The following HTR2C variants were observed in gnomAD, a reference collection of about 807,000 sequenced individuals.
The protein encoded by HTR2C is 5-hydroxytryptamine (serotonin) receptor 2C, G protein-coupled.
Under a neutral mutation model 21.0 loss-of-function variants are expected in HTR2C, and 5 were observed. The observed-to-expected ratio is 0.24, with a 90% CI of 0.12 to 0.50. The LOEUF is 0.50. Among genes scored for constraint, HTR2C ranks in the 20% least tolerant of loss-of-function variants. The pLI is 0.98. For synonymous variants in HTR2C, 150 were observed against 145.3 expected, an observed-to-expected ratio of 1.03 and a Z score of -0.23; for missense variants, 271 against 371.2, an observed-to-expected ratio of 0.73 and a Z score of 2.22.
intron 5 of HTR2C, among the ~76,000 whole-genome samples, chrX:114,898,953 A>T (rs2071316989): frequency 8.9e-6 from 1 of 112,161 alleles, no homozygotes; most frequent in Non-Finnish European, 1.9e-5. Flanking sequence ...TTTAATGGGA[A>T]TAGCATAGAA....
Position 114,584,624 on chromosome X carries a change from G to A in HTR2C, c.-182G>A, listed in dbSNP as rs1455988819. ...CGTTTCTCGTCTAGCTGCCGCCGCGGCGACCGCTGCCTGGTCTTCCTCCCG... is the reference window on the plus strand; with the variant it reads ...CGTTTCTCGTCTAGCTGCCGCCGCGACGACCGCTGCCTGGTCTTCCTCCCG... On this transcript the variant is annotated 5_prime_UTR_variant, in exon 1 of 6. Transcript: ENST00000276198. 1 of 112,679 alleles carries A rather than the reference G, an allele frequency of 8.9e-6. No individual in the cohort carries two copies. The highest frequency in any genetic ancestry group is 2.8e-4 in the East Asian group (1 of 3,537). The allele number at this position is 112,679 out of a possible 1,213,427, so 9.3% of individuals were successfully genotyped here.
intron 5 of HTR2C, among the ~76,000 whole-genome samples, chrX:114,857,420 T>C (rs1404039536): frequency 9.0e-6 from 1 of 111,486 alleles, no homozygotes; most frequent in Non-Finnish European, 1.9e-5. Context: ...TGCCAAACCC[T>C]GGTCCTAATA....
At chrX:114,871,061 ATAGC>A (rs1227063771) in intron 5 of HTR2C, among the ~76,000 whole-genome samples, 1 of 110,670 alleles carries the variant, frequency 9.0e-6, no homozygotes, top group Non-Finnish European at 1.9e-5. Context: ...GTAGGTACTT[ATAGC>A]TATAAAGTGC....
At chrX:114,645,032 G>T (rs1387046166) in intron 2 of HTR2C, among the ~76,000 whole-genome samples, 1 of 110,630 alleles carries the variant, frequency 9.0e-6, no homozygotes, top group Non-Finnish European at 1.9e-5. Context: ...TGGGCAACTG[G>T]AAGGAAAAGA....
chrX:114,742,729 T>TAA (rs2069662389), intron 4 of HTR2C, among the ~76,000 whole-genome samples: 14 of 85,281 alleles, frequency 1.6e-4, no homozygotes, highest in African/African-American at 5.7e-4. Flanking sequence ...TTTTTTTAAT[T>TAA]TTTTTTTTTT....
chrX:114,792,477 T>C (rs2070243495), intron 4 of HTR2C, among the ~76,000 whole-genome samples: 1 of 111,952 alleles, frequency 8.9e-6, no homozygotes, highest in African/African-American at 3.2e-5. Context: ...TGCATAGTAT[T>C]CCATGGTATA....
At chrX:114,836,891 G>GT (rs1556464227) in intron 4 of HTR2C, among the ~76,000 whole-genome samples, 2 of 111,582 alleles carry the variant, frequency 1.8e-5, no homozygotes, top group East Asian at 5.6e-4. Context: ...ACACAATCAT[G>GT]TTTTCATTTT....
chrX:114,815,311 T>C (rs957114527), intron 4 of HTR2C, among the ~76,000 whole-genome samples: 2 of 111,088 alleles, frequency 1.8e-5, no homozygotes. Flanking sequence ...CACACCTTTC[T>C]TTTTGATCCT....
chrX:114,791,983 A>T (rs1489991175), intron 4 of HTR2C, among the ~76,000 whole-genome samples: 7 of 111,656 alleles, frequency 6.3e-5, no homozygotes, highest in Non-Finnish European at 1.3e-4. Context: ...TGATTTTTGG[A>T]TCAGCATTCA....
chrX:114,808,101 T>C (rs1012649660), intron 4 of HTR2C, among the ~76,000 whole-genome samples: 5 of 110,563 alleles, frequency 4.5e-5, no homozygotes, highest in Non-Finnish European at 7.6e-5. Context: ...TCCCCACTTC[T>C]CTCTCCCCTC....
chrX:114,612,806 C>G (rs1200091196), intron 1 of HTR2C, among the ~76,000 whole-genome samples: 1 of 111,523 alleles, frequency 9.0e-6, no homozygotes, highest in Non-Finnish European at 1.9e-5. Flanking sequence ...GTTCTTGGAT[C>G]TTGCACAAGA....
At chrX:114,679,720 A>G (rs1931686376) in intron 2 of HTR2C, among the ~76,000 whole-genome samples, 1 of 111,585 alleles carries the variant, frequency 9.0e-6, no homozygotes, top group Non-Finnish European at 1.9e-5. Flanking sequence ...TTGCAATAAT[A>G]CATAAGAGAT....
chrX:114,643,913 T>G (rs1184194460), intron 2 of HTR2C, among the ~76,000 whole-genome samples: 1 of 111,798 alleles, frequency 8.9e-6, no homozygotes, highest in Non-Finnish European at 1.9e-5. Context: ...TTCCCTTCAC[T>G]ATAAATGTGA....
At chrX:114,617,099 A>G (rs1249229099) in intron 2 of HTR2C, among the ~76,000 whole-genome samples, 4 of 112,347 alleles carry the variant, frequency 3.6e-5, no homozygotes, top group Non-Finnish European at 7.5e-5. Flanking sequence ...GAACTGAGTT[A>G]TCTATTGCAA....
rs2070442908 is a variant in HTR2C, at chrX:114,806,496, A to ATG, written c.350-41506_350-41505insGT. On this transcript the variant is annotated intron_variant, in intron 4 of 5. Coordinates refer to ENST00000276198, the MANE Select transcript of HTR2C (RefSeq NM_000868.4). ...TATATACTGTATATATATACACCAT[A>ATG]TATATACACCATATATACACCACAT... Among the ~76,000 whole-genome samples the ATG allele has an allele frequency of 4.4e-5, 4 of 90,825 alleles. 1 individual carries two copies. Among genetic ancestry groups the ATG allele is most frequent in the African/African-American group, 1.6e-4 (4 of 24,503 alleles). 78.9% of individuals were successfully genotyped at this position (90,825 alleles called of 115,157 possible).
intron 5 of HTR2C, 129 bp from the exon 6 acceptor site, chrX:114,906,460 G>A (rs1372316067): frequency 2.1e-6 from 1 of 481,553 alleles, no homozygotes; most frequent in Non-Finnish European, 3.5e-6. Context: ...CGATTATGCC[G>A]TGAATAGCTT....
At chrX:114,744,907 A>G (rs1207041807) in intron 4 of HTR2C, among the ~76,000 whole-genome samples, 2 of 112,381 alleles carry the variant, frequency 1.8e-5, no homozygotes, top group African/African-American at 6.5e-5. Context: ...ATTTCTATCA[A>G]TTCAACAACT....
rs201763901 is a variant in HTR2C at position 114,633,947 on chromosome X, T to TATAGAGAGAGAGAG, written c.-80+20067_-80+20068insTAGAGAGAGAGAGA. 4.9e-3 allele frequency among the ~76,000 whole-genome samples: 453 copies of TATAGAGAGAGAGAG among 92,156 alleles called. 2 individuals carry two copies. The highest frequency in any genetic ancestry group is 0.042 in the East Asian group (114 of 2,736). The allele number at this position is 92,156 out of a possible 115,157, so 80.0% of individuals were successfully genotyped here. ...ATATGCATGTGTATATATATATATA[T>TATAGAGAGAGAGAG]AGAGAGAGAGAGAGAGATGGTAGGT... On this transcript the variant is annotated intron_variant, in intron 2 of 5. Coordinates refer to ENST00000276198, the MANE Select transcript of HTR2C (RefSeq NM_000868.4).
At chrX:114,749,453 C>CAAAAAAAAA (rs782652879) in intron 4 of HTR2C, among the ~76,000 whole-genome samples, 6 of 41,902 alleles carry the variant, frequency 1.4e-4, no homozygotes, top group Admixed American at 4.7e-4. Flanking sequence ...GTCCATGTCT[C>CAAAAAAAAA]AAAAAAAAAA....
Sources: gnomAD v4.1 joint callset for allele counts (sites outside exome capture counted in the v4.1 genomes callset) on GRCh38, gnomAD v4.1.1 for gene constraint, MANE v1.5 for transcripts, NCBI Gene and HGNC (gene_info 2026-07-23, HGNC 2026-07-21) for gene names.